The following HPSE2 variants were observed in gnomAD, a reference collection of about 807,000 sequenced individuals.
The protein encoded by HPSE2 is inactive heparanase-2.
Under a neutral mutation model 60.5 loss-of-function variants are expected in HPSE2, and 38 were observed. The observed-to-expected ratio is 0.63, with a 90% CI of 0.48 to 0.82. The LOEUF (loss-of-function observed/expected upper bound fraction) is 0.82. HPSE2 is among the 40% of genes least tolerant of loss of function. The pLI is 0.00. For synonymous variants in HPSE2, 295 were observed against 293.2 expected (o/e 1.01, Z -0.06); for missense variants, 713 against 740.4 (o/e 0.96, Z 0.43).
the HPSE2 span, among the ~76,000 whole-genome samples, chr10:99,258,266 T>C: frequency 6.6e-6 from 1 of 152,118 alleles, no homozygotes; most frequent in Non-Finnish European, 1.5e-5. Flanking sequence ...AACTCAGGAA[T>C]TTTAAAACAC....
At chr10:99,196,495 CCAAA>C (rs1215336332) in intron 2 of HPSE2, among the ~76,000 whole-genome samples, 1 of 151,746 alleles carries the variant, frequency 6.6e-6, no homozygotes, top group East Asian at 1.9e-4. Context: ...CATAAGGAGC[CCAAA>C]CAAACTCTAT....
intron 3 of HPSE2, among the ~76,000 whole-genome samples, chr10:99,040,538 A>T (rs1299913668): frequency 6.6e-6 from 1 of 152,092 alleles, no homozygotes; most frequent in African/African-American, 2.4e-5. Flanking sequence ...AACTTTACAT[A>T]TCATTTTAAC....
chr10:98,659,884 A>G (rs895790714), intron 6 of HPSE2, among the ~76,000 whole-genome samples: 12 of 152,230 alleles, frequency 7.9e-5, no homozygotes, highest in African/African-American at 2.9e-4. Flanking sequence ...AGAGGAAAGG[A>G]AAGCTGATAA....
chr10:98,643,938 C>T (rs1180151447), intron 6 of HPSE2, among the ~76,000 whole-genome samples: 1 of 151,990 alleles, frequency 6.6e-6, no homozygotes, highest in Non-Finnish European at 1.5e-5. Flanking sequence ...CAATTAGTTC[C>T]CAGTAACTAC....
At chr10:99,234,100 G>A (rs530502026) in intron 1 of HPSE2, among the ~76,000 whole-genome samples, 1 of 152,188 alleles carries the variant, frequency 6.6e-6, no homozygotes, top group Non-Finnish European at 1.5e-5. Flanking sequence ...ACATTCGGAC[G>A]AGCTCATAGA....
chr10:99,064,432 A>T (rs895014701), intron 3 of HPSE2, among the ~76,000 whole-genome samples: 18 of 152,174 alleles, frequency 1.2e-4, no homozygotes, highest in Non-Finnish European at 2.4e-4. Flanking sequence ...CAGTTGAAGC[A>T]GAAACCTCTT....
At chr10:98,855,557 T>C (rs1203512741) in intron 3 of HPSE2, among the ~76,000 whole-genome samples, 5 of 151,974 alleles carry the variant, frequency 3.3e-5, no homozygotes, top group Admixed American at 6.6e-5. Flanking sequence ...TGAAAACCCA[T>C]TGCAACCGTG....
rs189027885 is a variant in HPSE2, at chr10:98,777,783, A to G, written c.611-33727T>C. 2.8e-4 allele frequency among the ~76,000 whole-genome samples: 42 copies of G among 152,232 alleles called. No homozygotes were observed. In the East Asian group the frequency reaches 7.5e-3, roughly 27 times the overall value. On this transcript the variant is annotated intron_variant, in intron 3 of 11. Transcript: ENST00000370552. ...CTTGTCCTTCTTCTTCCCTTGTCAC[A>G]TCATGCTCTTTTATGCCCTAAGCTA...
rs1200247910 is a variant in HPSE2, at chr10:99,232,465, C to A, written c.331G>T (p.Ala111Ser). Residue 111 changes from alanine (A) to serine (S), a missense_variant, in exon 2 of 12, where the codon GCC becomes TCC. Coordinates refer to ENST00000370552, the MANE Select transcript of HPSE2 (RefSeq NM_021828.5). ...LVTLARGLSP[A>S]FLRFGGKRTD... Reference sequence around the variant, plus strand: ...CTTTTGCCCCCGAAGCGCAGAAAGGCGGGCGAAAGTCCCCGGGCCAGGGTC... The same window carrying A: ...CTTTTGCCCCCGAAGCGCAGAAAGGAGGGCGAAAGTCCCCGGGCCAGGGTC... 2 of 1,557,854 alleles carry A rather than the reference C, an allele frequency of 1.3e-6. No individual in the cohort carries two copies. Among genetic ancestry groups the A allele is most frequent in the South Asian group, 1.2e-5 (1 of 84,548 alleles).
At chr10:99,103,995 A>G (rs974923163) in intron 3 of HPSE2, among the ~76,000 whole-genome samples, 7 of 152,246 alleles carry the variant, frequency 4.6e-5, no homozygotes, top group Non-Finnish European at 7.3e-5. Flanking sequence ...AAGATGGATT[A>G]AAGACTTACA....
chr10:98,606,535 G>A (rs930782801), intron 9 of HPSE2, among the ~76,000 whole-genome samples: 5 of 152,200 alleles, frequency 3.3e-5, no homozygotes, highest in Non-Finnish European at 2.9e-5. Flanking sequence ...ACAACAAGAC[G>A]AGGGTGAATT....
intron 9 of HPSE2, among the ~76,000 whole-genome samples, chr10:98,576,547 G>A (rs936482172): frequency 1.2e-4 from 18 of 152,038 alleles, no homozygotes; most frequent in African/African-American, 4.1e-4. Flanking sequence ...AAGCAGAGAG[G>A]GAGGTGGGGG....
chr10:98,528,556 G>A lies in HPSE2; in HGVS notation c.1321-38360C>T, dbSNP rs75971128. ...ATTCCATCAGTGAAGCACGGTGTGT[G>A]CAGATCAAACCAGGAGAGCCGGAGG... On this transcript the variant is annotated intron_variant, in intron 9 of 11. Coordinates refer to ENST00000370552, the MANE Select transcript of HPSE2 (RefSeq NM_021828.5). Among the ~76,000 whole-genome samples, 11 of 152,264 alleles carry A rather than the reference G, an allele frequency of 7.2e-5. No individual in the cohort carries two copies. In the East Asian group the frequency reaches 2.1e-3, roughly 29 times the overall value.
intron 3 of HPSE2, among the ~76,000 whole-genome samples, chr10:98,752,579 A>G (rs1949783892): frequency 6.6e-6 from 1 of 152,220 alleles, no homozygotes; most frequent in African/African-American, 2.4e-5. Context: ...ATGTAATAAC[A>G]CCAATGATAA....
chr10:99,115,570 C>T (rs930551366), intron 3 of HPSE2, among the ~76,000 whole-genome samples: 4 of 152,056 alleles, frequency 2.6e-5, no homozygotes, highest in Non-Finnish European at 2.9e-5. Context: ...ATCTGGATTA[C>T]AGGAGTGAGC....
intron 9 of HPSE2, among the ~76,000 whole-genome samples, chr10:98,523,503 C>T (rs1417625051): frequency 6.6e-6 from 1 of 152,188 alleles, no homozygotes; most frequent in African/African-American, 2.4e-5. Context: ...CAGAAAACTG[C>T]AGGCTGGAAG....
intron 10 of HPSE2, among the ~76,000 whole-genome samples, chr10:98,487,078 T>C (rs760413633): frequency 8.5e-5 from 13 of 152,166 alleles, no homozygotes; most frequent in Non-Finnish European, 1.5e-4. Context: ...CAGGTTCCAA[T>C]TGGTTCTGAA....
At chr10:98,525,746 G>A (rs960128183) in intron 9 of HPSE2, among the ~76,000 whole-genome samples, 1 of 152,122 alleles carries the variant, frequency 6.6e-6, no homozygotes. Flanking sequence ...ATGGGTTGGG[G>A]GGCATGTAAC....
chr10:99,184,938 G>C (rs1441841905), intron 2 of HPSE2, among the ~76,000 whole-genome samples: 54 of 149,058 alleles, frequency 3.6e-4, no homozygotes, highest in African/African-American at 1.3e-3. Flanking sequence ...TAACATACAA[G>C]TAATTGGTAC....
Sources: allele counts gnomAD v4.1 joint callset (sites outside exome capture counted in the v4.1 genomes callset), GRCh38; gene constraint gnomAD v4.1.1; transcripts MANE v1.5; gene names NCBI Gene and HGNC (gene_info 2026-07-23, HGNC 2026-07-21).